Variants in RNF220 observed in about 807,000 individuals in gnomAD.
RNF220 encodes the protein ring finger protein 220, also known as E3 ubiquitin-protein ligase RNF220.
RNF220 carries 7 observed loss-of-function variants against 67.1 expected under a neutral mutation model. That is an observed-to-expected ratio of 0.10 (90% CI 0.06 to 0.20). The LOEUF (loss-of-function observed/expected upper bound fraction) is 0.20, where lower values mean the gene tolerates loss of function less well. RNF220 is among the 10% of genes least tolerant of loss of function. RNF220 has a pLI of 1.00. For missense variants in RNF220, 565 were observed against 740.3 expected (o/e 0.76, Z 2.75); for synonymous variants, 270 against 283.2 (o/e 0.95, Z 0.47).
At chr1:44,601,666 G>A (rs79483104) in intron 2 of RNF220, among the ~76,000 whole-genome samples, 1 of 152,120 alleles carries the variant, frequency 6.6e-6, no homozygotes, top group Non-Finnish European at 1.5e-5. Context: ...AGTGAAGGAG[G>A]AAGCAAGGCC....
intron 5 of RNF220, among the ~76,000 whole-genome samples, chr1:44,628,303 C>T (rs1644016751): frequency 6.6e-6 from 1 of 151,952 alleles, no homozygotes; most frequent in South Asian, 2.1e-4. Flanking sequence ...CCTTCCTCCC[C>T]ACAAATGTCA....
At chr1:44,505,483 G>T (rs1658332677) in intron 2 of RNF220, among the ~76,000 whole-genome samples, 1 of 152,250 alleles carries the variant, frequency 6.6e-6, no homozygotes, top group Non-Finnish European at 1.5e-5. Flanking sequence ...TCCATCACGC[G>T]TTAACCCCTG....
At chr1:44,553,768 A>T (rs76472767) in intron 2 of RNF220, among the ~76,000 whole-genome samples, 4,080 of 152,248 alleles carry the variant, frequency 0.027, 149 homozygotes, top group East Asian at 0.13. Flanking sequence ...AGGCCCACGA[A>T]TGGGGTAACA....
chr1:44,466,693 C>T (rs1212584254), intron 2 of RNF220, among the ~76,000 whole-genome samples: 1 of 152,194 alleles, frequency 6.6e-6, no homozygotes, highest in Non-Finnish European at 1.5e-5. Flanking sequence ...TGACCAGGTG[C>T]ATTGTCAATA....
chr1:44,604,364 C>A (rs942696077), intron 2 of RNF220, among the ~76,000 whole-genome samples: 6 of 152,214 alleles, frequency 3.9e-5, no homozygotes, highest in African/African-American at 1.2e-4. Flanking sequence ...CTGGCCCAGC[C>A]CAACCCAGGG....
At chr1:44,460,248 G>A (rs1653630790) in intron 2 of RNF220, among the ~76,000 whole-genome samples, 1 of 152,198 alleles carries the variant, frequency 6.6e-6, no homozygotes, top group Non-Finnish European at 1.5e-5. Flanking sequence ...CAGCAGAACA[G>A]ACCCCGGCTG....
intron 2 of RNF220, among the ~76,000 whole-genome samples, chr1:44,427,926 C>T (rs1055462602): frequency 6.6e-6 from 1 of 152,174 alleles, no homozygotes; most frequent in Non-Finnish European, 1.5e-5. Flanking sequence ...TACCTCTACT[C>T]CTAATTGCAT....
chr1:44,627,371 G>C (rs1437060659), intron 5 of RNF220, among the ~76,000 whole-genome samples: 1 of 123,098 alleles, frequency 8.1e-6, no homozygotes, highest in South Asian at 2.7e-4. Context: ...AAAAAAAAAA[G>C]CGTGATACCT....
intron 2 of RNF220, among the ~76,000 whole-genome samples, chr1:44,527,683 T>C (rs753699991): frequency 2.0e-5 from 3 of 151,776 alleles, no homozygotes; most frequent in South Asian, 2.1e-4. Flanking sequence ...CCCAGCACTT[T>C]GGGAGGCTGA....
intron 2 of RNF220, among the ~76,000 whole-genome samples, chr1:44,538,487 C>T (rs1262918026): frequency 1.3e-5 from 2 of 152,182 alleles, no homozygotes; most frequent in African/African-American, 2.4e-5. Context: ...CTTCTGCCCT[C>T]GCTACTGCAA....
chr1:44,493,046 C>T (rs12095771), intron 2 of RNF220, among the ~76,000 whole-genome samples: 2,360 of 152,160 alleles, frequency 0.016, 62 homozygotes, highest in African/African-American at 0.054. Flanking sequence ...ATGCATGCTA[C>T]CTTGCCTGGC....
intron 2 of RNF220, among the ~76,000 whole-genome samples, chr1:44,555,556 G>A (rs1663005868): frequency 6.6e-6 from 1 of 151,410 alleles, no homozygotes; most frequent in Admixed American, 6.6e-5. Flanking sequence ...CTCACTGCAA[G>A]CTCCGCCTCC....
intron 2 of RNF220, among the ~76,000 whole-genome samples, chr1:44,503,591 C>G (rs1572701795): frequency 2.0e-5 from 3 of 152,302 alleles, no homozygotes; most frequent in East Asian, 3.9e-4. Context: ...TCAGACACCC[C>G]CTGTTCCGCC....
At chr1:44,494,816 A>G (rs1008323740) in intron 2 of RNF220, among the ~76,000 whole-genome samples, 3 of 152,216 alleles carry the variant, frequency 2.0e-5, no homozygotes, top group Non-Finnish European at 2.9e-5. Context: ...AAAAAAGTAG[A>G]TAGAATTTAA....
intron 2 of RNF220, among the ~76,000 whole-genome samples, chr1:44,478,447 C>T (rs923818630): frequency 6.6e-6 from 1 of 151,892 alleles, no homozygotes; most frequent in Non-Finnish European, 1.5e-5. Flanking sequence ...AACTGCCAGG[C>T]GTGGTGGCTT....
At chr1:44,408,017 G>T (rs1253053181) in intron 1 of RNF220, among the ~76,000 whole-genome samples, 1 of 152,210 alleles carries the variant, frequency 6.6e-6, no homozygotes, top group East Asian at 1.9e-4. Flanking sequence ...AGATTGTTTC[G>T]TGCGGAGGTT....
At chr1:44,478,256 A>G (rs1176775547) in intron 2 of RNF220, among the ~76,000 whole-genome samples, 1 of 151,876 alleles carries the variant, frequency 6.6e-6, no homozygotes, top group African/African-American at 2.4e-5. Context: ...AGCCTCCCCC[A>G]ATTTTTACTC....
intron 2 of RNF220, among the ~76,000 whole-genome samples, chr1:44,456,834 C>T (rs920093742): frequency 1.2e-4 from 18 of 152,100 alleles, no homozygotes; most frequent in African/African-American, 4.3e-4. Flanking sequence ...TGGCCTCATA[C>T]CCCTCTGTCT....
rs1643889799 is a variant in RNF220, at chr1:44,624,706, G to A, written c.805-1591G>A. 6.6e-6 allele frequency among the ~76,000 whole-genome samples: 1 copy of A among 152,048 alleles called. No homozygotes were observed. Among genetic ancestry groups the A allele is most frequent in the Non-Finnish European group, 1.5e-5 (1 of 68,010 alleles). ...GAGGGAGGAGGAGGAGAGGGCGAGG[G>A]GGCCTTAGACAAGATTGATGGCCTC... On this transcript the variant is annotated intron_variant, in intron 4 of 14. Transcript: ENST00000361799. The surrounding 1 kb of genome is among the most constrained non-coding windows in gnomAD (Gnocchi z 4.2).
Sources: allele counts gnomAD v4.1 joint callset (sites outside exome capture counted in the v4.1 genomes callset), GRCh38; gene constraint gnomAD v4.1.1; non-coding constraint Gnocchi (gnomAD v3.1); transcripts MANE v1.5; gene names NCBI Gene and HGNC (gene_info 2026-07-23, HGNC 2026-07-21).